TDRD10: variants seen among roughly 807,000 people sequenced by gnomAD.
TDRD10 encodes the protein tudor domain-containing protein 10.
A neutral mutation model predicts 48.0 loss-of-function variants in TDRD10; 40 were observed. The observed-to-expected ratio is 0.83, with a 90% confidence interval of 0.65 to 1.09. TDRD10 has a LOEUF of 1.09. TDRD10 is among the 50% of genes least tolerant of loss of function. TDRD10 has a pLI of 0.00. For synonymous variants in TDRD10, 162 were observed against 170.4 expected, an observed-to-expected ratio of 0.95 and a Z score of 0.38; for missense variants, 378 against 434.7, an observed-to-expected ratio of 0.87 and a Z score of 1.16.
intron 3 of TDRD10, among the ~76,000 whole-genome samples, chr1:154,507,850 C>T (rs1329967981): frequency 6.6e-6 from 1 of 152,186 alleles, no homozygotes; most frequent in Non-Finnish European, 1.5e-5. Flanking sequence ...TTTGTATCTC[C>T]ATGTCCTGGC....
intron 6 of TDRD10, among the ~76,000 whole-genome samples, chr1:154,531,117 A>G (rs1253582578): frequency 6.6e-6 from 1 of 152,174 alleles, no homozygotes. Context: ...CTAGGATTAC[A>G]GGTGTGAGCC....
At chr1:154,515,446 TTGCGGCCCTG>T (rs1177479504) in intron 4 of TDRD10, among the ~76,000 whole-genome samples, 2 of 152,200 alleles carry the variant, frequency 1.3e-5, no homozygotes, top group Non-Finnish European at 2.9e-5. Flanking sequence ...GCAGAATCCC[TTGCGGCCCTG>T]TGTGAACCGC....
At chr1:154,544,682 A>T (rs1695452052) in intron 10 of TDRD10, 113 bp from the exon 11 acceptor site, 2 of 1,492,608 alleles carry the variant, frequency 1.3e-6, no homozygotes, top group Non-Finnish European at 1.8e-6. Context: ...GAAACAGAGC[A>T]AACTCGCTCT....
rs1334655482 is a variant in TDRD10 at position 154,544,876 on chromosome 1, GTC to G, written c.883_884del (p.Leu295AlafsTer29). 5 of 1,614,236 alleles carry G rather than the reference GTC, an allele frequency of 3.1e-6. No homozygotes were observed. The highest frequency in any genetic ancestry group is 4.2e-6 in the Non-Finnish European group (5 of 1,180,040). ...FGQLATIPVQ[S>X]LRSLDSDDFW... ...GACAGTTGGCCACCATCCCTGTGCA[GTC>G]TCTGCGCAGCCTAGACAGCGACGAC... On this transcript the variant is annotated frameshift_variant, in exon 11 of 13. Coordinates refer to ENST00000368482, the MANE Select transcript of TDRD10 (RefSeq NM_182499.4). LOFTEE classifies it high-confidence loss of function.
chr1:154,547,361 G>T, intron 11 of TDRD10, 48 bp from the exon 12 acceptor site: 1 of 1,610,836 alleles, frequency 6.2e-7, no homozygotes, highest in East Asian at 2.2e-5. Flanking sequence ...TGCTCCTCCT[G>T]CCCAACCCCG....
intron 1 of TDRD10, among the ~76,000 whole-genome samples, chr1:154,503,621 C>T (rs1442608447): frequency 6.6e-6 from 1 of 152,106 alleles, no homozygotes; most frequent in African/African-American, 2.4e-5. Context: ...AAAAAAACAC[C>T]TTTCTGGTTT....
At chr1:154,546,588 G>GTCCC (rs751562472) in intron 11 of TDRD10, among the ~76,000 whole-genome samples, 53 of 151,180 alleles carry the variant, frequency 3.5e-4, no homozygotes, top group Non-Finnish European at 5.2e-4. Context: ...AGTGGGCAGG[G>GTCCC]AGCACCACCC....
chr1:154,538,954 C>T (rs1695078296), intron 6 of TDRD10, among the ~76,000 whole-genome samples: 1 of 152,128 alleles, frequency 6.6e-6, no homozygotes, highest in Non-Finnish European at 1.5e-5. Flanking sequence ...AGTTAACTTG[C>T]ACTGAGGACT....
chr1:154,522,070 T>C (rs1360672670), intron 6 of TDRD10, among the ~76,000 whole-genome samples: 2 of 152,224 alleles, frequency 1.3e-5, no homozygotes, highest in Non-Finnish European at 2.9e-5. Flanking sequence ...GTGTTAGTGC[T>C]AGAAGCCGAC....
At chr1:154,540,237 G>A (rs1468507568) in intron 6 of TDRD10, among the ~76,000 whole-genome samples, 1 of 152,208 alleles carries the variant, frequency 6.6e-6, no homozygotes, top group African/African-American at 2.4e-5. Context: ...GAGATGGTGA[G>A]TACTGGGGTG....
chr1:154,514,999 C>G (rs1444620431), intron 4 of TDRD10, among the ~76,000 whole-genome samples: 1 of 151,798 alleles, frequency 6.6e-6, no homozygotes, highest in African/African-American at 2.4e-5. Context: ...TCCTGTGTAG[C>G]TGAGGTTACA....
intron 4 of TDRD10, among the ~76,000 whole-genome samples, chr1:154,513,451 A>G (rs1693588199): frequency 1.3e-5 from 2 of 152,220 alleles, no homozygotes; most frequent in Non-Finnish European, 2.9e-5. Context: ...GAATTAGAAA[A>G]TGACCATTGT....
intron 11 of TDRD10, among the ~76,000 whole-genome samples, chr1:154,545,294 A>C (rs1695486707): frequency 6.6e-6 from 1 of 152,128 alleles, no homozygotes; most frequent in Non-Finnish European, 1.5e-5. Flanking sequence ...TTCAGATTTC[A>C]CTGGAAAAAG....
chr1:154,545,613 T>A (rs1231265829), intron 11 of TDRD10, among the ~76,000 whole-genome samples: 1 of 152,104 alleles, frequency 6.6e-6, no homozygotes, highest in Non-Finnish European at 1.5e-5. Flanking sequence ...CTCACTCTGT[T>A]GCCCATGCTG....
chr1:154,545,321 A>G (rs1261331650), intron 11 of TDRD10, among the ~76,000 whole-genome samples: 1 of 152,206 alleles, frequency 6.6e-6, no homozygotes, highest in Non-Finnish European at 1.5e-5. Flanking sequence ...CCATAGAAGA[A>G]AACTAGCACT....
At position 154,542,791 on chromosome 1, in the gene TDRD10, C is replaced by A; in HGVS notation, c.473C>A (p.Ala158Glu). ...CTGTGTGAGACAGAGAAACTGAGGG[C>A]AGCCTTCTTTGCAGTCCCGTTGGAA... ...VDLCETEKLR[A>E]AFFAVPLEMR... The change falls in exon 8 of 13, where the codon GCA becomes GAA. Residue 158 changes from alanine (A) to glutamate (E), a missense_variant. Physicochemically the swap from Ala to Glu is moderately radical, Grantham distance 107. Coordinates refer to ENST00000368482, the MANE Select transcript of TDRD10 (RefSeq NM_182499.4). 6.2e-7 allele frequency: 1 copy of A among 1,613,906 alleles called. No homozygotes were observed. Among genetic ancestry groups the A allele is most frequent in the South Asian group, 1.1e-5 (1 of 91,078 alleles).
intron 11 of TDRD10, 40 bp downstream of exon 11, chr1:154,544,989 C>A: frequency 1.2e-6 from 2 of 1,603,610 alleles, no homozygotes; most frequent in Non-Finnish European, 1.7e-6. Context: ...GTTTCAGGGA[C>A]AGGAGAAGCC....
intron 6 of TDRD10, 34 bp downstream of exon 6, chr1:154,521,513 C>A (rs1694058750): frequency 1.2e-6 from 2 of 1,605,548 alleles, no homozygotes; most frequent in Non-Finnish European, 1.7e-6. Context: ...CTGGGGCGTT[C>A]CATTTTCACC....
chr1:154,521,600 G>T, intron 6 of TDRD10, 121 bp downstream of exon 6: 2 of 1,195,544 alleles, frequency 1.7e-6, no homozygotes, highest in Non-Finnish European at 2.4e-6. Context: ...AAGAAGGCAG[G>T]GTCTCGGGTG....
Sources: allele counts gnomAD v4.1 joint callset (sites outside exome capture counted in the v4.1 genomes callset), GRCh38; gene constraint gnomAD v4.1.1; transcripts MANE v1.5; gene names NCBI Gene and HGNC (gene_info 2026-07-23, HGNC 2026-07-21).